The following CFAP57 variants were observed in gnomAD, a reference collection of about 807,000 sequenced individuals.
CFAP57 encodes the protein cilia and flagella associated protein 57, also known as cilia- and flagella-associated protein 57.
CFAP57 carries 116 observed loss-of-function variants against 146.8 expected under a neutral mutation model. The ratio of observed to expected loss-of-function variants is 0.79; its 90% CI spans 0.68 to 0.92. The LOEUF is 0.92. CFAP57 is among the 40% of genes least tolerant of loss of function. CFAP57 has a pLI of 0.00. For synonymous variants in CFAP57, 518 were observed against 552.8 expected, an observed-to-expected ratio of 0.94 and a Z score of 0.88; for missense variants, 1,377 against 1,527.2, an observed-to-expected ratio of 0.90 and a Z score of 1.64.
chr1:43,199,264 C>T lies in CFAP57; in HGVS notation c.1429-126C>T, dbSNP rs1570016357. On this transcript the variant is annotated intron_variant, in intron 8 of 22. Coordinates refer to ENST00000372492, the MANE Select transcript of CFAP57 (RefSeq NM_001378189.1). ...CACTCCTCAGTCTCATTTGCACCTT[C>T]CCCCCACTCCCACCCTCACACGTAG... is the stretch of plus-strand genomic sequence containing the variant. The T allele has an allele frequency of 3.5e-6, 3 of 863,252 alleles. No individual in the cohort carries two copies. In the South Asian group the frequency reaches 4.0e-5, roughly 11 times the overall value. The allele number at this position is 863,252 out of a possible 1,614,324, so 53.5% of individuals were successfully genotyped here. A position where few individuals can be genotyped will look rare whatever the true frequency, so the allele number is the denominator to read the frequency against.
intron 6 of CFAP57, among the ~76,000 whole-genome samples, chr1:43,191,187 G>A (rs77535006): frequency 0.042 from 6,445 of 152,198 alleles, 164 homozygotes; most frequent in African/African-American, 0.049. Flanking sequence ...GCCAGTTTCA[G>A]TTTTTGTGTC....
intron 11 of CFAP57, chr1:43,210,146 C>T (rs566392417): frequency 4.9e-4 from 782 of 1,595,624 alleles, no homozygotes; most frequent in Middle Eastern, 1.2e-3. Flanking sequence ...GTATGTACAA[C>T]GTTTTCACCA....
intron 2 of CFAP57, among the ~76,000 whole-genome samples, chr1:43,174,241 CT>C (rs1458503137): frequency 6.6e-6 from 1 of 152,100 alleles, no homozygotes; most frequent in Non-Finnish European, 1.5e-5. Flanking sequence ...TTACAAGTAT[CT>C]TTTGATGGAC....
chr1:43,251,215 C>T (rs1646316639), intron 22 of CFAP57, among the ~76,000 whole-genome samples: 1 of 152,214 alleles, frequency 6.6e-6, no homozygotes, highest in African/African-American at 2.4e-5. Context: ...CATAGAAAGC[C>T]AATCACTGGG....
chr1:43,178,145 G>T (rs1645243934), intron 2 of CFAP57, among the ~76,000 whole-genome samples: 1 of 152,178 alleles, frequency 6.6e-6, no homozygotes, highest in African/African-American at 2.4e-5. Flanking sequence ...ATTCAAGATG[G>T]ATTAAAGACT....
intron 22 of CFAP57, among the ~76,000 whole-genome samples, chr1:43,247,041 G>A (rs1646136564): frequency 6.6e-6 from 1 of 152,154 alleles, no homozygotes; most frequent in Non-Finnish European, 1.5e-5. Flanking sequence ...ATTGATTCAA[G>A]TGACTCACAC....
intron 12 of CFAP57, among the ~76,000 whole-genome samples, chr1:43,215,728 C>T (rs1358336677): frequency 6.6e-6 from 1 of 152,156 alleles, no homozygotes; most frequent in Non-Finnish European, 1.5e-5. Flanking sequence ...CTCTTATGAC[C>T]AACAGTTCCT....
intron 2 of CFAP57, among the ~76,000 whole-genome samples, chr1:43,179,357 G>A (rs950615787): frequency 6.6e-6 from 1 of 152,172 alleles, no homozygotes; most frequent in Non-Finnish European, 1.5e-5. Context: ...CAGCTGGGTC[G>A]AAACAATGCA....
chr1:43,218,409 G>A (rs1395664526), intron 12 of CFAP57, among the ~76,000 whole-genome samples: 4 of 151,996 alleles, frequency 2.6e-5, no homozygotes, highest in African/African-American at 4.8e-5. Flanking sequence ...AGACCAGCCT[G>A]GGCAACATAG....
chr1:43,246,958 T>C (rs989258723), intron 22 of CFAP57, among the ~76,000 whole-genome samples: 9 of 152,336 alleles, frequency 5.9e-5, no homozygotes, highest in Middle Eastern at 3.4e-3. Context: ...CAATGTTTCC[T>C]GAACATTAAA....
chr1:43,231,255 G>C (rs577862117), intron 18 of CFAP57, among the ~76,000 whole-genome samples: 65 of 152,184 alleles, frequency 4.3e-4, no homozygotes, highest in African/African-American at 1.5e-3. Flanking sequence ...TGTTCATTAG[G>C]GCCTCCTGGC....
At chr1:43,216,373 GA>G (rs1425524535) in intron 12 of CFAP57, among the ~76,000 whole-genome samples, 1 of 152,224 alleles carries the variant, frequency 6.6e-6, no homozygotes, top group African/African-American at 2.4e-5. Context: ...TTTTCTGCAG[GA>G]AAAGCAAAGA....
At chr1:43,210,723 A>G (rs1037342017) in intron 11 of CFAP57, 1 of 153,098 alleles carries the variant, frequency 6.5e-6, no homozygotes, top group Non-Finnish European at 1.5e-5. Flanking sequence ...TACAAGACAA[A>G]AGGATTATGG....
Position 43,227,125 on chromosome 1 carries a change from AGGTAAGAAGCCATTTG to A in CFAP57, c.3009_3009+15del. On this transcript the variant is annotated splice_donor_variant and splice_donor_5th_base_variant and coding_sequence_variant and intron_variant, in exon 18 of 23. Coordinates refer to ENST00000372492, the MANE Select transcript of CFAP57 (RefSeq NM_001378189.1). LOFTEE classifies it high-confidence loss of function. ...AGGGTGATGAAGGAACAGATTCAGG[AGGTAAGAAGCCATTTG>A]CAACACTCTGGCCTCTCAGACCCTC... 2 of 1,529,672 alleles carry A rather than the reference AGGTAAGAAGCCATTTG, an allele frequency of 1.3e-6. No homozygotes were observed. Among genetic ancestry groups the A allele is most frequent in the Non-Finnish European group, 1.8e-6 (2 of 1,138,454 alleles). The allele number at this position is 1,529,672 out of a possible 1,614,324, so 94.8% of individuals were successfully genotyped here. A position where few individuals can be genotyped will look rare whatever the true frequency, so the allele number is the denominator to read the frequency against.
At chr1:43,244,469 A>ATGTATATG (rs1334486000) in intron 22 of CFAP57, among the ~76,000 whole-genome samples, 1 of 152,224 alleles carries the variant, frequency 6.6e-6, no homozygotes, top group Non-Finnish European at 1.5e-5. Flanking sequence ...ATAAGATTTT[A>ATGTATATG]TGTATATGTA....
Position 43,243,212 on chromosome 1 carries a change from C to T in CFAP57, c.3406-15C>T, listed in dbSNP as rs1645992390. Reference sequence around the variant, plus strand: ...CATCCATCCACCCTCCCTCTCTCTTCCCCCTTTTCTGCAGGAAAATGTCTC... The same window carrying T: ...CATCCATCCACCCTCCCTCTCTCTTTCCCCTTTTCTGCAGGAAAATGTCTC... On this transcript the variant is annotated splice_polypyrimidine_tract_variant and intron_variant, in intron 21 of 22. Coordinates refer to ENST00000372492, the MANE Select transcript of CFAP57 (RefSeq NM_001378189.1). 3 of 1,549,088 alleles carry T rather than the reference C, an allele frequency of 1.9e-6. No individual in the cohort carries two copies. The African/African-American group carries it at 4.1e-5, about 21-fold the overall frequency.
intron 14 of CFAP57, 71 bp downstream of exon 14, chr1:43,221,536 C>A (rs1645043000): frequency 3.0e-6 from 3 of 1,011,904 alleles, no homozygotes; most frequent in South Asian, 2.4e-5. Flanking sequence ...ACTCAAGAGT[C>A]CCCCAGACAC....
At chr1:43,243,091 C>T in intron 21 of CFAP57, 136 bp from the exon 22 acceptor site, 1 of 1,057,552 alleles carries the variant, frequency 9.5e-7, no homozygotes. Context: ...AGGCTCAGGC[C>T]CCAATAGAGG....
In CFAP57 at chr1:43,181,819, G is replaced by A; in HGVS notation, c.443G>A (p.Arg148Lys). The A allele has an allele frequency of 1.2e-6, 2 of 1,614,156 alleles. No homozygotes were observed. Among genetic ancestry groups the A allele is most frequent in the Non-Finnish European group, 1.7e-6 (2 of 1,180,026 alleles). Residue 148 changes from arginine (R) to lysine (K), a missense_variant, in exon 3 of 23, where the codon AGA becomes AAA. By Grantham distance (26) the Arg-to-Lys change is conservative (BLOSUM62 2). Coordinates refer to ENST00000372492, the MANE Select transcript of CFAP57 (RefSeq NM_001378189.1). ...WEKQKVMAIV[R>K]IDTQNNPVYQ... ...AAACAGAAAGTAATGGCCATTGTTA[G>A]AATCGACACTCAGAACAACCCTGTC...
Sources: gnomAD v4.1 joint callset for allele counts (sites outside exome capture counted in the v4.1 genomes callset) on GRCh38, gnomAD v4.1.1 for gene constraint, MANE v1.5 for transcripts, NCBI Gene and HGNC (gene_info 2026-07-23, HGNC 2026-07-21) for gene names.